Variants in HABP4 observed in about 807,000 individuals in gnomAD.
HABP4 encodes the protein intracellular hyaluronan-binding protein 4.
A neutral mutation model predicts 44.1 loss-of-function variants in HABP4; 32 were observed. That is an observed-to-expected ratio of 0.73 (90% CI 0.55 to 0.97). The LOEUF (loss-of-function observed/expected upper bound fraction) is 0.97. Ranked by LOEUF, HABP4 falls within the 50% of genes least tolerant of loss-of-function variation. The probability of loss-of-function intolerance (pLI) is 0.00; values close to 1 mark genes in which losing one functional copy is unlikely to be tolerated. For missense variants in HABP4, 503 were observed against 561.9 expected (o/e 0.90, Z 1.06); for synonymous variants, 216 against 218.0 (o/e 0.99, Z 0.08).
intron 1 of HABP4, among the ~76,000 whole-genome samples, chr9:96,453,565 C>T (rs763368846): frequency 1.3e-5 from 2 of 152,160 alleles, no homozygotes; most frequent in African/African-American, 2.4e-5. Flanking sequence ...TATATAAACC[C>T]TTGGGTGAGC....
intron 5 of HABP4, among the ~76,000 whole-genome samples, chr9:96,471,847 A>G (rs558964889): frequency 1.3e-5 from 2 of 152,038 alleles, no homozygotes; most frequent in Non-Finnish European, 2.9e-5. Context: ...CTGGAGTGCA[A>G]TGGCGCGATC....
intron 5 of HABP4, among the ~76,000 whole-genome samples, chr9:96,482,573 T>C (rs1832897497): frequency 6.6e-6 from 1 of 152,202 alleles, no homozygotes; most frequent in African/African-American, 2.4e-5. Context: ...CAGAGTGTTA[T>C]GCAACCATCA....
rs1833026320 is a variant in HABP4, at chr9:96,488,935, G to GCTGCTTTTGCTCATTAC, written c.1185+663_1185+679dup. Reference sequence around the variant, plus strand: ...TCACTGGTGTGGCTATCGGTCAGCGGCTGCTTTTGCTCATTACCGGTTTAC... The same window carrying GCTGCTTTTGCTCATTAC: ...TCACTGGTGTGGCTATCGGTCAGCGGCTGCTTTTGCTCATTACCTGCTTTTGCTCATTACCGGTTTAC... On this transcript the variant is annotated intron_variant, in intron 7 of 7. Coordinates refer to ENST00000375249, the MANE Select transcript of HABP4 (RefSeq NM_014282.4). This position sits in a 1 kb window ranked among gnomAD's most constrained non-coding sequence, Gnocchi z 4.6. Among the ~76,000 whole-genome samples the GCTGCTTTTGCTCATTAC allele has an allele frequency of 6.6e-6, 1 of 152,160 alleles. No homozygotes were observed. Among genetic ancestry groups the GCTGCTTTTGCTCATTAC allele is most frequent in the African/African-American group, 2.4e-5 (1 of 41,426 alleles).
intron 4 of HABP4, among the ~76,000 whole-genome samples, chr9:96,468,934 C>T (rs1403113932): frequency 6.6e-6 from 1 of 152,168 alleles, no homozygotes; most frequent in Non-Finnish European, 1.5e-5. Flanking sequence ...GAGCCTAACA[C>T]AGTAAGTAAT....
At chr9:96,484,658 A>G (rs1832938612) in intron 6 of HABP4, 25 bp downstream of exon 6, 6 of 1,317,932 alleles carry the variant, frequency 4.6e-6, no homozygotes, top group Non-Finnish European at 5.5e-6. Flanking sequence ...TCGTATGTAG[A>G]GGTAATCTTT....
intron 5 of HABP4, among the ~76,000 whole-genome samples, chr9:96,481,932 C>G (rs922785977): frequency 8.2e-5 from 12 of 145,856 alleles, no homozygotes; most frequent in African/African-American, 3.2e-4. Flanking sequence ...CCATCCATCT[C>G]TAGAACTTTT....
At chr9:96,486,501 T>C (rs561386348) in intron 6 of HABP4, among the ~76,000 whole-genome samples, 1 of 152,156 alleles carries the variant, frequency 6.6e-6, no homozygotes, top group African/African-American at 2.4e-5. Flanking sequence ...TAGGTAAAAA[T>C]AGAAGCTGCT....
chr9:96,478,627 A>G (rs1192193716), intron 5 of HABP4, among the ~76,000 whole-genome samples: 1 of 149,090 alleles, frequency 6.7e-6, no homozygotes, highest in Non-Finnish European at 1.5e-5. Context: ...TAATAGGTAC[A>G]TATCTCATTA....
In HABP4 at chr9:96,450,172, G is replaced by A. The variant is rs1587764749; in HGVS notation, c.-108G>A. Reference sequence around the variant, plus strand: ...GCCGGTAGGGGCCGGACAGGGTAGGGCCCGGAGGGCGGTGGCGGCGGAGCG... The same window carrying A: ...GCCGGTAGGGGCCGGACAGGGTAGGACCCGGAGGGCGGTGGCGGCGGAGCG... On this transcript the variant is annotated 5_prime_UTR_variant, in exon 1 of 8. Transcript: ENST00000375249. This position sits in a 1 kb window ranked among gnomAD's most constrained non-coding sequence, Gnocchi z 4.8. The A allele has an allele frequency of 7.1e-6, 8 of 1,133,052 alleles. No homozygotes were observed. Among genetic ancestry groups the A allele is most frequent in the South Asian group, 3.4e-5 (1 of 29,646 alleles). 70.2% of individuals were successfully genotyped at this position (1,133,052 alleles called of 1,614,324 possible).
At position 96,458,404 on chromosome 9, in the gene HABP4, G is replaced by C; in HGVS notation, c.375G>C (p.Gly125=). The C allele has an allele frequency of 6.2e-7, 1 of 1,614,048 alleles. No homozygotes were observed. The change falls in exon 2 of 8, where the codon GGG becomes GGC. Residue 125 remains glycine (G), a synonymous_variant. Transcript: ENST00000375249. The stretch of plus-strand genomic sequence containing the variant: ...GCCAGAAGCGGACTCCTAGAAGAGG[G>C]GAGCAGCAAGGATGGAATGACAGCC... The part of the protein sequence containing the change: ...APGQKRTPRR[G]EQQGWNDSRG...
chr9:96,450,582 C>T lies in HABP4; in HGVS notation c.303C>T (p.Pro101=). 7.8e-7 allele frequency: 1 copy of T among 1,282,506 alleles called. No individual in the cohort carries two copies. Among genetic ancestry groups the T allele is most frequent in the South Asian group, 2.6e-5 (1 of 39,030 alleles). 79.4% of individuals were successfully genotyped at this position (1,282,506 alleles called of 1,614,324 possible). A position where few individuals can be genotyped will look rare whatever the true frequency, so the allele number is the denominator to read the frequency against. ...AGGAGCGCAAGAGCCTCCCGGCGCC[C>T]GTCGCTCAGCGGCCCGATAGCCCCG... The part of the protein sequence containing the change: ...SQKERKSLPA[P]VAQRPDSPGG... Residue 101 remains proline, a synonymous_variant, in exon 1 of 8, where the codon CCC becomes CCT. Coordinates refer to ENST00000375249, the MANE Select transcript of HABP4 (RefSeq NM_014282.4). This position sits in a 1 kb window ranked among gnomAD's most constrained non-coding sequence, Gnocchi z 4.8.
chr9:96,480,556 C>T (rs1013859656), intron 5 of HABP4, among the ~76,000 whole-genome samples: 1 of 152,156 alleles, frequency 6.6e-6, no homozygotes, highest in Non-Finnish European at 1.5e-5. Context: ...CTTACCACTA[C>T]CTAAATGCTA....
At chr9:96,470,556 C>A (rs1832675401) in intron 4 of HABP4, among the ~76,000 whole-genome samples, 1 of 152,010 alleles carries the variant, frequency 6.6e-6, no homozygotes, top group South Asian at 2.1e-4. Flanking sequence ...TTGAAAAAGT[C>A]TTTTCTGTTA....
chr9:96,469,616 G>A (rs12337558), intron 4 of HABP4, among the ~76,000 whole-genome samples: 2,183 of 151,922 alleles, frequency 0.014, 19 homozygotes, highest in Non-Finnish European at 0.023. Flanking sequence ...TCCGCCTCCC[G>A]GGTTCAAGTG....
At chr9:96,466,922 C>CTTTT (rs200696039) in intron 4 of HABP4, among the ~76,000 whole-genome samples, 5 of 134,924 alleles carry the variant, frequency 3.7e-5, no homozygotes, top group African/African-American at 8.4e-5. Flanking sequence ...AGAATATAAG[C>CTTTT]TTTTTTTTTT....
intron 5 of HABP4, among the ~76,000 whole-genome samples, chr9:96,475,390 C>CAAAAAAAAAAA (rs61553823): frequency 5.3e-5 from 5 of 94,144 alleles, no homozygotes; most frequent in African/African-American, 1.6e-4. Context: ...ACAACAACAA[C>CAAAAAAAAAAA]AAAAAAAAAA....
intron 5 of HABP4, chr9:96,484,224 C>A: frequency 2.6e-6 from 1 of 377,780 alleles, no homozygotes; most frequent in South Asian, 4.5e-5. Flanking sequence ...GGTGATGTTC[C>A]CATTTTTCAA....
Position 96,490,028 on chromosome 9 carries a change from C to A in HABP4, c.1232C>A (p.Ala411Glu). The A allele has an allele frequency of 6.3e-7, 1 of 1,598,826 alleles. No individual in the cohort carries two copies. The highest frequency in any genetic ancestry group is 1.1e-5 in the South Asian group (1 of 90,818). ...PNPDDPEDFP[A>E]LS The stretch of plus-strand genomic sequence containing the variant: ...CCAGATGACCCGGAAGATTTCCCTG[C>A]GCTGTCTTGAAAGAGCCCTGTTTCC... Residue 411 changes from alanine to glutamate, a missense_variant, in exon 8 of 8, where the codon GCG (alanine) becomes GAG (glutamate). This residue lies in a region of HABP4 where 82 missense variants were observed against 71.6 expected (regional missense o/e 1.15). Coordinates refer to ENST00000375249, the MANE Select transcript of HABP4 (RefSeq NM_014282.4).
intron 4 of HABP4, 105 bp from the exon 5 acceptor site, chr9:96,470,906 A>C: frequency 4.0e-6 from 3 of 745,552 alleles, no homozygotes; most frequent in African/African-American, 3.5e-5. Flanking sequence ...AAAAAAAAAA[A>C]AAAACCCAAA....
Sources: allele counts gnomAD v4.1 joint callset (sites outside exome capture counted in the v4.1 genomes callset), GRCh38; gene constraint gnomAD v4.1.1; regional missense constraint gnomAD v4.1.1; non-coding constraint Gnocchi (gnomAD v3.1); transcripts MANE v1.5; gene names NCBI Gene and HGNC (gene_info 2026-07-23, HGNC 2026-07-21).